GLMN: variants seen among roughly 807,000 people sequenced by gnomAD.
GLMN encodes glomulin, FKBP associated protein.
GLMN carries 75 observed loss-of-function variants against 87.8 expected under a neutral mutation model. The observed-to-expected ratio is 0.85, with a 90% CI of 0.71 to 1.04. The LOEUF (loss-of-function observed/expected upper bound fraction) is 1.04, where lower values mean the gene tolerates loss of function less well. GLMN is among the 50% of genes least tolerant of loss of function. The pLI is 0.00. For missense variants in GLMN, 588 were observed against 658.8 expected, an observed-to-expected ratio of 0.89 and a Z score of 1.18; for synonymous variants, 206 against 221.6, an observed-to-expected ratio of 0.93 and a Z score of 0.63.
chr1:92,282,957 A>G (rs1414369708), intron 7 of GLMN, among the ~76,000 whole-genome samples: 5 of 152,204 alleles, frequency 3.3e-5, no homozygotes, highest in Middle Eastern at 3.2e-3. Flanking sequence ...TAGACCAATA[A>G]CAGGTTCTGA....
the GLMN span, among the ~76,000 whole-genome samples, chr1:92,360,662 C>T: frequency 6.6e-6 from 1 of 152,172 alleles, no homozygotes. Flanking sequence ...CTTTCACCCA[C>T]TTTCCTACAT....
At chr1:92,280,066 CA>C (rs1436025394) in intron 7 of GLMN, among the ~76,000 whole-genome samples, 1 of 152,246 alleles carries the variant, frequency 6.6e-6, no homozygotes, top group Non-Finnish European at 1.5e-5. Context: ...ACAGCTTCTG[CA>C]GACTTAAACA....
At chr1:92,249,959 C>T (rs996809721) in intron 16 of GLMN, among the ~76,000 whole-genome samples, 4 of 151,990 alleles carry the variant, frequency 2.6e-5, no homozygotes, top group African/African-American at 9.7e-5. Context: ...TTCCTTTTTA[C>T]GTCCAGCCTT....
chr1:92,256,469 C>A (rs1203778680), intron 16 of GLMN, among the ~76,000 whole-genome samples: 1 of 152,152 alleles, frequency 6.6e-6, no homozygotes, highest in East Asian at 1.9e-4. Flanking sequence ...AATTTCAGGC[C>A]AATATCCCTG....
the GLMN span, among the ~76,000 whole-genome samples, chr1:92,320,104 T>C: frequency 6.6e-6 from 1 of 152,130 alleles, no homozygotes; most frequent in Admixed American, 6.5e-5. Flanking sequence ...CAGACAATGA[T>C]GACTCTGGAA....
At chr1:92,301,660 C>T (rs561275024), upstream of GLMN, 3 of 576,424 alleles carry the variant, frequency 5.2e-6, no homozygotes, top group African/African-American at 5.9e-5. Context: ...CATGAAACTT[C>T]TTTGCATTAT....
the GLMN span, chr1:92,304,197 T>C: frequency 9.0e-7 from 1 of 1,113,730 alleles, no homozygotes; most frequent in Admixed American, 2.0e-5. Context: ...TGGCCAATGA[T>C]ATGATATGTA....
chr1:92,288,048 T>A (rs1451653461), intron 6 of GLMN, among the ~76,000 whole-genome samples: 1 of 151,074 alleles, frequency 6.6e-6, no homozygotes, highest in African/African-American at 2.5e-5. Context: ...TTTTTTTTTT[T>A]AAATAACAAG....
In GLMN at chr1:92,247,891, A is replaced by T; in HGVS notation, c.1572T>A (p.Ile524=). 1.6e-6 allele frequency: 2 copies of T among 1,263,806 alleles called. No individual in the cohort carries two copies. Among genetic ancestry groups the T allele is most frequent in the Non-Finnish European group, 2.3e-6 (2 of 862,102 alleles). The allele number at this position is 1,263,806 out of a possible 1,614,324, so 78.3% of individuals were successfully genotyped here. ...CACATTACCAACCTTGGCTATTTTTAATTTCTGCTTCATAATGTGCTTTTG... is the reference window on the plus strand; with the variant it reads ...CACATTACCAACCTTGGCTATTTTTTATTTCTGCTTCATAATGTGCTTTTG... ...NMSKAHYEAE[I]KNSQEAQKSK... The change falls in exon 17 of 19, where the codon ATT becomes ATA. Residue 524 remains isoleucine (I), a synonymous_variant. Transcript: ENST00000370360.
chr1:92,345,905 T>C, the GLMN span: 1 of 1,600,928 alleles, frequency 6.2e-7, no homozygotes, highest in Non-Finnish European at 8.6e-7. Flanking sequence ...GCTATGGTGT[T>C]GCTGTCATTG....
intron 16 of GLMN, among the ~76,000 whole-genome samples, chr1:92,254,914 CTT>C (rs1191002161): frequency 6.6e-6 from 1 of 152,202 alleles, no homozygotes; most frequent in Non-Finnish European, 1.5e-5. Context: ...ACGATATTAA[CTT>C]TAAATGTAAA....
chr1:92,273,420 T>C (rs943413270), intron 7 of GLMN, among the ~76,000 whole-genome samples: 1 of 151,954 alleles, frequency 6.6e-6, no homozygotes, highest in African/African-American at 2.4e-5. Context: ...ACATGTGTTT[T>C]TTCCAGAGTA....
intron 7 of GLMN, among the ~76,000 whole-genome samples, chr1:92,271,893 T>C (rs1210808797): frequency 1.3e-5 from 2 of 152,190 alleles, no homozygotes; most frequent in Non-Finnish European, 2.9e-5. Flanking sequence ...AATCAGTAGA[T>C]TTTGAGTTGG....
intron 7 of GLMN, among the ~76,000 whole-genome samples, chr1:92,279,650 G>T (rs1647742918): frequency 6.6e-6 from 1 of 152,170 alleles, no homozygotes; most frequent in Non-Finnish European, 1.5e-5. Context: ...GCAGGGCGGG[G>T]CATTGCCTCA....
the GLMN span, among the ~76,000 whole-genome samples, chr1:92,316,154 G>T: frequency 6.6e-6 from 1 of 152,188 alleles, no homozygotes; most frequent in Non-Finnish European, 1.5e-5. Flanking sequence ...TTTTAAAGAT[G>T]AAATTGGGGT....
At chr1:92,313,735 G>A in the GLMN span, among the ~76,000 whole-genome samples, 72,458 of 151,958 alleles carry the variant, frequency 0.48, 18,271 homozygotes, top group East Asian at 0.96. Context: ...TCCCTAGATG[G>A]CATCTTCCTC....
At chr1:92,263,855 T>A in intron 14 of GLMN, 123 bp from the exon 15 acceptor site, 2 of 703,096 alleles carry the variant, frequency 2.8e-6, no homozygotes, top group South Asian at 3.1e-5. Flanking sequence ...AACTTTAATT[T>A]CCGTACTTTC....
the GLMN span, among the ~76,000 whole-genome samples, chr1:92,321,805 T>C: frequency 6.6e-6 from 1 of 152,188 alleles, no homozygotes; most frequent in Non-Finnish European, 1.5e-5. Flanking sequence ...ATTTTCATTC[T>C]GTAGAATTTT....
At position 92,269,656 on chromosome 1, in the gene GLMN, G is replaced by A. The variant is rs549845091; in HGVS notation, c.977+67C>T. On this transcript the variant is annotated intron_variant, in intron 9 of 18. Coordinates refer to ENST00000370360, the MANE Select transcript of GLMN (RefSeq NM_053274.3). ...GCTTAGCAAAGAAAAGGCAGTCTCC[G>A]CTGATCTTAACAAGGACTATTTTAA... 35 of 1,030,634 alleles carry A rather than the reference G, an allele frequency of 3.4e-5. No individual in the cohort carries two copies. In the Admixed American group the frequency reaches 3.6e-4, roughly 10 times the overall value. 63.8% of individuals were successfully genotyped at this position (1,030,634 alleles called of 1,614,324 possible). A position where few individuals can be genotyped will look rare whatever the true frequency, so the allele number is the denominator to read the frequency against.
Sources: allele counts gnomAD v4.1 joint callset (sites outside exome capture counted in the v4.1 genomes callset), GRCh38; gene constraint gnomAD v4.1.1; transcripts MANE v1.5; gene names NCBI Gene and HGNC (gene_info 2026-07-23, HGNC 2026-07-21).